PELI2: variants seen among roughly 807,000 people sequenced by gnomAD.
The protein encoded by PELI2 is pellino E3 ubiquitin protein ligase family member 2.
Under a neutral mutation model 42.3 loss-of-function variants are expected in PELI2, and 23 were observed. The observed-to-expected ratio is 0.54, with a 90% CI of 0.39 to 0.77. PELI2 has a LOEUF of 0.77. Ranked by LOEUF, PELI2 falls within the 30% of genes least tolerant of loss-of-function variation. PELI2 has a pLI of 0.00. For missense variants in PELI2, 463 were observed against 553.2 expected, an observed-to-expected ratio of 0.84 and a Z score of 1.64; for synonymous variants, 245 against 212.2, an observed-to-expected ratio of 1.15 and a Z score of -1.34.
At chr14:56,260,270 T>A (rs1446453131) in intron 2 of PELI2, among the ~76,000 whole-genome samples, 1 of 152,116 alleles carries the variant, frequency 6.6e-6, no homozygotes, top group Non-Finnish European at 1.5e-5. Context: ...AAATATCCTT[T>A]AAATGTCCAT....
At chr14:56,153,833 G>A (rs1884454087) in intron 1 of PELI2, among the ~76,000 whole-genome samples, 2 of 152,146 alleles carry the variant, frequency 1.3e-5, no homozygotes, top group Admixed American at 1.3e-4. Context: ...GATTAGTGGT[G>A]TTTGTGAATG....
chr14:56,297,471 T>C lies in PELI2; in HGVS notation c.*305T>C. On this transcript the variant is annotated 3_prime_UTR_variant, in exon 6 of 6. Transcript: ENST00000267460. ...TTGGGTTTTTAACCAAGTTTTTTTT[T>C]TTTTGTAATCTTGGACAAGACTTTA... 3.5e-6 allele frequency: 1 copy of C among 288,506 alleles called. No individual in the cohort carries two copies. The highest frequency in any genetic ancestry group is 6.5e-6 in the Non-Finnish European group (1 of 154,216). 17.9% of individuals were successfully genotyped at this position (288,506 alleles called of 1,614,324 possible).
At chr14:56,166,952 T>G (rs1334401393) in intron 1 of PELI2, among the ~76,000 whole-genome samples, 1 of 152,092 alleles carries the variant, frequency 6.6e-6, no homozygotes, top group Non-Finnish European at 1.5e-5. Context: ...CACGCCTGAC[T>G]ATTTTTTGTG....
chr14:56,218,952 T>G (rs1382974), intron 2 of PELI2, among the ~76,000 whole-genome samples: 33,640 of 152,174 alleles, frequency 0.22, 7,681 homozygotes, highest in African/African-American at 0.58. Context: ...TGTGCACATA[T>G]TAGAGCAACA....
intron 5 of PELI2, among the ~76,000 whole-genome samples, chr14:56,292,043 AG>A (rs1889847082): frequency 6.6e-6 from 1 of 152,252 alleles, no homozygotes; most frequent in African/African-American, 2.4e-5. Flanking sequence ...GGCATATCAC[AG>A]GATGAGTTTC....
Position 56,265,079 on chromosome 14 carries a change from T to A in PELI2, c.208-14597T>A, listed in dbSNP as rs1439708135. Among the ~76,000 whole-genome samples the A allele has an allele frequency of 2.0e-5, 3 of 152,132 alleles. No individual in the cohort carries two copies. In the South Asian group the frequency reaches 6.2e-4, roughly 31 times the overall value. ...TGTGAATTCTACCAAAATCTGTAAA[T>A]TCAGTACAATACCAATCAAAATCCC... On this transcript the variant is annotated intron_variant, in intron 2 of 5. Coordinates refer to ENST00000267460, the MANE Select transcript of PELI2 (RefSeq NM_021255.3).
chr14:56,189,822 A>T (rs993621770), intron 2 of PELI2, among the ~76,000 whole-genome samples: 1 of 152,234 alleles, frequency 6.6e-6, no homozygotes, highest in Non-Finnish European at 1.5e-5. Context: ...ATTTAAATGT[A>T]TCTTTGTTTT....
chr14:56,297,259 CAGA>C lies in PELI2; in HGVS notation c.*94_*96del. The C allele has an allele frequency of 1.2e-6, 1 of 802,428 alleles. No homozygotes were observed. 49.7% of individuals were successfully genotyped at this position (802,428 alleles called of 1,614,324 possible). A position where few individuals can be genotyped will look rare whatever the true frequency, so the allele number is the denominator to read the frequency against. On this transcript the variant is annotated 3_prime_UTR_variant, in exon 6 of 6. Coordinates refer to ENST00000267460, the MANE Select transcript of PELI2 (RefSeq NM_021255.3). ...TTTACCTTTTTGTAATGCTGTTTAT[CAGA>C]GGAGGGTGACAGGGGCTGGAAATAA...
chr14:56,168,252 C>A (rs924816155), intron 1 of PELI2, among the ~76,000 whole-genome samples: 7 of 139,130 alleles, frequency 5.0e-5, no homozygotes, highest in African/African-American at 1.8e-4. Context: ...TCCTTCCCTT[C>A]TGAGCAGCGT....
rs190050836 is a variant in PELI2 at position 56,175,086 on chromosome 14, T to C, written c.78-3249T>C. On this transcript the variant is annotated intron_variant, in intron 1 of 5. Coordinates refer to ENST00000267460, the MANE Select transcript of PELI2 (RefSeq NM_021255.3). ...TCTTGGCTCACTGTAGTCTCCACTTTCCTGGCTCAAGTGATCTTCCCACCT... is the reference window on the plus strand; with the variant it reads ...TCTTGGCTCACTGTAGTCTCCACTTCCCTGGCTCAAGTGATCTTCCCACCT... Among the ~76,000 whole-genome samples the C allele has an allele frequency of 1.2e-4, 19 of 152,264 alleles. No homozygotes were observed. In the East Asian group the frequency reaches 3.1e-3, roughly 25 times the overall value.
At chr14:56,129,503 C>T (rs1883401307) in intron 1 of PELI2, among the ~76,000 whole-genome samples, 1 of 152,214 alleles carries the variant, frequency 6.6e-6, no homozygotes, top group African/African-American at 2.4e-5. Context: ...TTTCCTGTTA[C>T]CCATTCAGAC....
chr14:56,119,541 G>T (rs1882986964), intron 1 of PELI2, among the ~76,000 whole-genome samples: 1 of 152,214 alleles, frequency 6.6e-6, no homozygotes, highest in Non-Finnish European at 1.5e-5. Context: ...GGTGAAAGCC[G>T]CATCTTGAAG....
At chr14:56,286,692 A>G (rs1292528572) in intron 3 of PELI2, among the ~76,000 whole-genome samples, 2 of 152,180 alleles carry the variant, frequency 1.3e-5, no homozygotes, top group Non-Finnish European at 2.9e-5. Context: ...AGTTTTCCAC[A>G]TTGAGTGATT....
intron 2 of PELI2, among the ~76,000 whole-genome samples, chr14:56,231,105 G>A (rs557845746): frequency 6.6e-6 from 1 of 152,214 alleles, no homozygotes; most frequent in East Asian, 1.9e-4. Flanking sequence ...GATTCATAAA[G>A]CAAGTCTTTA....
chr14:56,167,081 G>T (rs1462034458), intron 1 of PELI2, among the ~76,000 whole-genome samples: 1 of 152,108 alleles, frequency 6.6e-6, no homozygotes, highest in South Asian at 2.1e-4. Context: ...GAGCCACCGC[G>T]CCTGGCCTAG....
chr14:56,182,152 G>A (rs1885608642), intron 2 of PELI2, among the ~76,000 whole-genome samples: 1 of 152,200 alleles, frequency 6.6e-6, no homozygotes, highest in African/African-American at 2.4e-5. Context: ...TTTAGACAAG[G>A]TACAAGGAAG....
At chr14:56,257,128 G>A (rs1196413109) in intron 2 of PELI2, among the ~76,000 whole-genome samples, 2 of 152,100 alleles carry the variant, frequency 1.3e-5, no homozygotes, top group Non-Finnish European at 2.9e-5. Context: ...AAATTACCTT[G>A]ATAACAAATA....
chr14:56,296,870 G>A lies in PELI2; in HGVS notation c.967G>A (p.Gly323Ser), dbSNP rs771859411. The A allele has an allele frequency of 1.9e-6, 3 of 1,614,142 alleles. No individual in the cohort carries two copies. The highest frequency in any genetic ancestry group is 2.5e-6 in the Non-Finnish European group (3 of 1,180,024). Residue 323 changes from glycine to serine, a missense_variant, in exon 6 of 6, where the codon GGC becomes AGC. Physicochemically the swap from Gly to Ser is moderately conservative, Grantham distance 56. This residue lies in a region of PELI2 where 103 missense variants were observed against 129.6 expected (regional missense o/e 0.80). Coordinates refer to ENST00000267460, the MANE Select transcript of PELI2 (RefSeq NM_021255.3). ...CCACGTGCACGGGTACCACAACTGG[G>A]GCCATCGGAGTGACACGGAGGCCAA... ...CGHVHGYHNW[G>S]HRSDTEANER...
At chr14:56,231,147 A>G (rs967178562) in intron 2 of PELI2, among the ~76,000 whole-genome samples, 2 of 152,232 alleles carry the variant, frequency 1.3e-5, no homozygotes, top group African/African-American at 4.8e-5. Flanking sequence ...ACTTCCACAC[A>G]GTAAAGTGGG....
Sources: gnomAD v4.1 joint callset for allele counts (sites outside exome capture counted in the v4.1 genomes callset) on GRCh38, gnomAD v4.1.1 for gene constraint, gnomAD v4.1.1 regional missense constraint, MANE v1.5 for transcripts, NCBI Gene and HGNC (gene_info 2026-07-23, HGNC 2026-07-21) for gene names.